The following RGS21 variants were observed in gnomAD, a reference collection of about 807,000 sequenced individuals.
RGS21 encodes regulator of G protein signaling 21, also known as regulator of G-protein signalling 21.
Under a neutral mutation model 18.7 loss-of-function variants are expected in RGS21, and 19 were observed. The observed-to-expected ratio is 1.01, with a 90% confidence interval of 0.71 to 1.49. The LOEUF (loss-of-function observed/expected upper bound fraction) is 1.49. Ranked by LOEUF, RGS21 falls within the 40% of genes most tolerant of loss-of-function variation. The probability of loss-of-function intolerance (pLI) is 0.00; values close to 1 mark genes in which losing one functional copy is unlikely to be tolerated. For synonymous variants in RGS21, 56 were observed against 57.8 expected (o/e 0.97, Z 0.14); for missense variants, 194 against 176.8 (o/e 1.10, Z -0.55).
At chr1:192,317,954 T>C (rs998660652) in intron 1 of RGS21, among the ~76,000 whole-genome samples, 1 of 152,074 alleles carries the variant, frequency 6.6e-6, no homozygotes, top group African/African-American at 2.4e-5. Context: ...TACTTTGTTT[T>C]GGCATTTACT....
intron 1 of RGS21, among the ~76,000 whole-genome samples, chr1:192,322,550 T>G (rs1218025608): frequency 6.6e-6 from 1 of 152,078 alleles, no homozygotes; most frequent in African/African-American, 2.4e-5. Flanking sequence ...TAATAACCCA[T>G]TTTGTGTTCT....
intron 1 of RGS21, among the ~76,000 whole-genome samples, chr1:192,326,892 T>C (rs1158888067): frequency 6.6e-6 from 1 of 152,216 alleles, no homozygotes; most frequent in South Asian, 2.1e-4. Context: ...AATTCTAATA[T>C]TATAGATAGT....
At chr1:192,342,844 T>G (rs1313354418) in intron 1 of RGS21, 133 bp from the exon 2 acceptor site, 1 of 544,970 alleles carries the variant, frequency 1.8e-6, no homozygotes, top group Non-Finnish European at 3.4e-6. Flanking sequence ...GTTTAAGTGT[T>G]TTGACCAATG....
chr1:192,355,112 G>C (rs1480725147), intron 4 of RGS21, among the ~76,000 whole-genome samples: 1 of 151,600 alleles, frequency 6.6e-6, no homozygotes, highest in Non-Finnish European at 1.5e-5. Context: ...AAAAACTAAA[G>C]TTTGGAGCTA....
chr1:192,348,317 C>T (rs563624988), intron 3 of RGS21, among the ~76,000 whole-genome samples: 2 of 152,074 alleles, frequency 1.3e-5, no homozygotes, highest in African/African-American at 4.8e-5. Context: ...TAAGCCACTG[C>T]GCCCAGCTGG....
At chr1:192,346,778 AAGGC>A in intron 2 of RGS21, among the ~76,000 whole-genome samples, 1 of 152,148 alleles carries the variant, frequency 6.6e-6, no homozygotes, top group Non-Finnish European at 1.5e-5. Flanking sequence ...AAGAGAAATA[AAGGC>A]TGCCTCAGAG....
Position 192,340,099 on chromosome 1 carries a change from T to A in RGS21, c.-60-2878T>A, listed in dbSNP as rs1186367348. On this transcript the variant is annotated intron_variant, in intron 1 of 4. Transcript: ENST00000417209. ...AATGACCAATTTTATACTGTCTGATTAAAGTTTTATATTCCTCCAGCACCT... is the reference window on the plus strand; with the variant it reads ...AATGACCAATTTTATACTGTCTGATAAAAGTTTTATATTCCTCCAGCACCT... Among the ~76,000 whole-genome samples, 10 of 152,052 alleles carry A rather than the reference T, an allele frequency of 6.6e-5. 1 individual carries two copies. The highest frequency in any genetic ancestry group is 6.6e-4 in the Admixed American group (10 of 15,226).
At chr1:192,339,124 G>T (rs1284893943) in intron 1 of RGS21, among the ~76,000 whole-genome samples, 5 of 151,572 alleles carry the variant, frequency 3.3e-5, no homozygotes, top group African/African-American at 9.7e-5. Context: ...AACTATTATT[G>T]GTTAAAATCC....
chr1:192,330,879 A>C (rs1440031218), intron 1 of RGS21, among the ~76,000 whole-genome samples: 1 of 152,226 alleles, frequency 6.6e-6, no homozygotes, highest in Non-Finnish European at 1.5e-5. Flanking sequence ...AGACAATTGA[A>C]AATGAATTCA....
chr1:192,344,694 T>G (rs1658922413), intron 2 of RGS21, among the ~76,000 whole-genome samples: 2 of 152,122 alleles, frequency 1.3e-5, no homozygotes, highest in African/African-American at 4.8e-5. Context: ...CTTCACCTAA[T>G]TTCTGAAAAG....
At chr1:192,356,585 T>G (rs1659115343) in intron 4 of RGS21, among the ~76,000 whole-genome samples, 1 of 151,742 alleles carries the variant, frequency 6.6e-6, no homozygotes, top group South Asian at 2.1e-4. Flanking sequence ...CAGCAGCATA[T>G]TGAGATAAGA....
At chr1:192,324,881 T>C (rs17413507) in intron 1 of RGS21, among the ~76,000 whole-genome samples, 23,450 of 151,932 alleles carry the variant, frequency 0.15, 1,986 homozygotes, top group South Asian at 0.26. Flanking sequence ...AGAAGCTTAA[T>C]TGAAAAATAG....
intron 3 of RGS21, among the ~76,000 whole-genome samples, chr1:192,349,736 C>T (rs1256579039): frequency 1.3e-5 from 2 of 152,072 alleles, no homozygotes; most frequent in Non-Finnish European, 2.9e-5. Flanking sequence ...TCTAAACCAA[C>T]CTACAGGAGG....
At chr1:192,333,980 A>G (rs1658728032) in intron 1 of RGS21, among the ~76,000 whole-genome samples, 1 of 152,228 alleles carries the variant, frequency 6.6e-6, no homozygotes, top group African/African-American at 2.4e-5. Flanking sequence ...AGCTGAAAAA[A>G]GTAAAAACAT....
In RGS21 at chr1:192,355,651, A is replaced by G. The variant is rs552873381; in HGVS notation, c.255+3438A>G. On this transcript the variant is annotated intron_variant, in intron 4 of 4. Coordinates refer to ENST00000417209, the MANE Select transcript of RGS21 (RefSeq NM_001039152.3). ...ACTTTGTACATACTAATAATGTGGG[A>G]GTGGCAAACAAAAAAATTCTTAAAC... 5.3e-5 allele frequency among the ~76,000 whole-genome samples: 8 copies of G among 151,702 alleles called. No individual in the cohort carries two copies. The Admixed American group carries it at 5.3e-4, about 10-fold the overall frequency.
intron 1 of RGS21, among the ~76,000 whole-genome samples, chr1:192,322,748 G>C (rs1245529662): frequency 6.6e-6 from 1 of 151,802 alleles, no homozygotes; most frequent in Non-Finnish European, 1.5e-5. Flanking sequence ...CTTCTAAAAG[G>C]GTGTCTTAAA....
At chr1:192,328,509 C>T (rs1310079935) in intron 1 of RGS21, among the ~76,000 whole-genome samples, 2 of 152,118 alleles carry the variant, frequency 1.3e-5, no homozygotes, top group Admixed American at 6.6e-5. Context: ...AGGCCATCAA[C>T]TATGCTAGGC....
chr1:192,354,995 G>C (rs1486986848), intron 4 of RGS21, among the ~76,000 whole-genome samples: 2 of 151,664 alleles, frequency 1.3e-5, no homozygotes, highest in African/African-American at 4.8e-5. Flanking sequence ...TGAACTTTCA[G>C]GTCTCTATGA....
intron 1 of RGS21, among the ~76,000 whole-genome samples, chr1:192,328,458 G>A (rs962314960): frequency 6.6e-6 from 1 of 152,088 alleles, no homozygotes; most frequent in Non-Finnish European, 1.5e-5. Flanking sequence ...GTTTTTCTAA[G>A]TTAAATGTTT....
Sources: allele counts gnomAD v4.1 joint callset (sites outside exome capture counted in the v4.1 genomes callset), GRCh38; gene constraint gnomAD v4.1.1; transcripts MANE v1.5; gene names NCBI Gene and HGNC (gene_info 2026-07-23, HGNC 2026-07-21).